RPL19: variants seen among roughly 807,000 people sequenced by gnomAD.
RPL19 encodes large ribosomal subunit protein eL19.
In RPL19, 2 loss-of-function variants were observed where a neutral mutation model predicts 25.1. The ratio of observed to expected loss-of-function variants is 0.08; its 90% confidence interval spans 0.03 to 0.25. The LOEUF (loss-of-function observed/expected upper bound fraction) is 0.25. RPL19 is among the 10% of genes least tolerant of loss of function. The pLI, the probability that RPL19 is intolerant of heterozygous loss-of-function variation, is 1.00. For synonymous variants in RPL19, 89 were observed against 91.2 expected (o/e 0.98, Z 0.14); for missense variants, 123 against 271.8 (o/e 0.45, Z 3.85).
rs746774826 is a variant in RPL19 at position 39,204,668 on chromosome 17, A to C, written c.*20A>C. ...AAATAAAACCTCCCACTTTGTCTGT[A>C]CATACTGGCCTCTGTGATTACATAG... is the stretch of plus-strand genomic sequence containing the variant. On this transcript the variant is annotated 3_prime_UTR_variant, in exon 6 of 6. Transcript: ENST00000225430. The C allele has an allele frequency of 1.9e-6, 3 of 1,611,854 alleles. No individual in the cohort carries two copies. The South Asian group carries it at 3.3e-5, about 18-fold the overall frequency.
chr17:39,202,371 C>T lies in RPL19; in HGVS notation c.167C>T (p.Thr56Met), dbSNP rs773799753. 10 of 1,614,196 alleles carry T rather than the reference C, an allele frequency of 6.2e-6. No individual in the cohort carries two copies. Among genetic ancestry groups the T allele is most frequent in the South Asian group, 3.3e-5 (3 of 91,086 alleles). ...GGGCTGATCATCCGCAAGCCTGTGA[C>T]GGTCCATTCCCGGGCTCGATGCCGG... The part of the protein sequence containing the change: ...KDGLIIRKPV[T>M]VHSRARCRKN... Residue 56 changes from threonine to methionine, a missense_variant, in exon 3 of 6, where the codon ACG becomes ATG. Transcript: ENST00000225430.
At position 39,201,261 on chromosome 17, in the gene RPL19, C is replaced by T; in HGVS notation, c.54C>T (p.Gly18=). Residue 18 remains glycine (G), a synonymous_variant, in exon 2 of 6, where the codon GGC becomes GGT. Coordinates refer to ENST00000225430, the MANE Select transcript of RPL19 (RefSeq NM_000981.4). ...KRLASSVLRC[G]KKKVWLDPNE... The stretch of plus-strand genomic sequence containing the variant: ...TCGCCTCTAGTGTCCTCCGCTGTGG[C>T]AAGAAGAAGGTCTGGTTAGACCCCA... 1 of 1,613,464 alleles carries T rather than the reference C, an allele frequency of 6.2e-7. No homozygotes were observed. The highest frequency in any genetic ancestry group is 8.5e-7 in the Non-Finnish European group (1 of 1,179,830).
rs571328669 is a variant in RPL19, at chr17:39,202,286, T to A, written c.113-31T>A. On this transcript the variant is annotated intron_variant, in intron 2 of 5. Coordinates refer to ENST00000225430, the MANE Select transcript of RPL19 (RefSeq NM_000981.4). ...ACTCTGTGATGTGCTTGGGCCCCAG[T>A]TGACTGACCAGGTGCATTATGCTTT... is the stretch of plus-strand genomic sequence containing the variant. The A allele has an allele frequency of 4.8e-5, 77 of 1,612,278 alleles. 1 individual carries two copies. In the South Asian group the frequency reaches 8.4e-4, roughly 17 times the overall value.
chr17:39,203,713 G>A (rs1175011295), intron 4 of RPL19, among the ~76,000 whole-genome samples: 4 of 151,310 alleles, frequency 2.6e-5, no homozygotes, highest in African/African-American at 7.3e-5. Flanking sequence ...TTCACCGTTG[G>A]CCAGGCTGGT....
intron 3 of RPL19, 66 bp downstream of exon 3, chr17:39,202,505 G>A (rs1228815190): frequency 2.5e-6 from 4 of 1,575,268 alleles, no homozygotes; most frequent in Admixed American, 3.4e-5. Context: ...ATATATTCAG[G>A]ATCTAAGCAC....
intron 1 of RPL19, 74 bp downstream of exon 1, chr17:39,200,423 G>A (rs1382682420): frequency 9.2e-6 from 13 of 1,418,934 alleles, no homozygotes; most frequent in Non-Finnish European, 1.1e-5. Flanking sequence ...ACCGCAGCTG[G>A]GGTTGGGGGA....
Position 39,200,319 on chromosome 17 carries a change from T to C in RPL19, c.-26T>C, listed in dbSNP as rs562868009. 4.1e-5 allele frequency: 64 copies of C among 1,549,630 alleles called. No individual in the cohort carries two copies. In the South Asian group the frequency reaches 6.7e-4, roughly 16 times the overall value. ...GAGGAGCCGGGCCCGAGCGAGCTCTTTCCTTTCGCTGCTGCGGCCGCAGCC... is the reference window on the plus strand; with the variant it reads ...GAGGAGCCGGGCCCGAGCGAGCTCTCTCCTTTCGCTGCTGCGGCCGCAGCC... On this transcript the variant is annotated 5_prime_UTR_variant, in exon 1 of 6. Coordinates refer to ENST00000225430, the MANE Select transcript of RPL19 (RefSeq NM_000981.4).
rs191296974 is a variant in RPL19, at chr17:39,200,456, A to G, written c.5+107A>G. ...GGAGATGAAATGGAGGCCGCCCTAA[A>G]GCGGCCGGTCCCGGGGTTTGGGGTA... On this transcript the variant is annotated intron_variant, in intron 1 of 5. Transcript: ENST00000225430. The G allele has an allele frequency of 4.7e-3, 5,628 of 1,192,952 alleles. 21 individuals are homozygous for G. Among genetic ancestry groups the G allele is most frequent in the Non-Finnish European group, 4.9e-3 (4,669 of 945,346 alleles). The allele number at this position is 1,192,952 out of a possible 1,614,324, so 73.9% of individuals were successfully genotyped here.
intron 1 of RPL19, 173 bp downstream of exon 1, chr17:39,200,522 G>T (rs370286974): frequency 2.3e-6 from 3 of 1,299,068 alleles, no homozygotes; most frequent in Admixed American, 3.8e-5. Context: ...AGTGAGGGGG[G>T]GCGGGGAGCG....
chr17:39,201,108 A>AT, intron 1 of RPL19, 105 bp from the exon 2 acceptor site: 1 of 763,844 alleles, frequency 1.3e-6, no homozygotes, highest in Non-Finnish European at 2.2e-6. Context: ...GAAGAGTCTT[A>AT]TTTCGCGGCT....
chr17:39,200,451 C>T (rs1259501609), intron 1 of RPL19, 102 bp downstream of exon 1: 5 of 1,344,548 alleles, frequency 3.7e-6, no homozygotes, highest in Non-Finnish European at 4.8e-6. Flanking sequence ...TGGAGGCCGC[C>T]CTAAAGCGGC....
intron 3 of RPL19, 38 bp from the exon 4 acceptor site, chr17:39,202,951 C>CT: frequency 6.2e-7 from 1 of 1,613,198 alleles, no homozygotes. Flanking sequence ...CACAGTGGGC[C>CT]TGGGTAGTGG....
chr17:39,200,562 C>T, intron 1 of RPL19: 1 of 1,295,532 alleles, frequency 7.7e-7, no homozygotes, highest in Non-Finnish European at 9.8e-7. Flanking sequence ...GAAAAGTCTG[C>T]CCCGGCTGGT....
At chr17:39,201,082 T>G in intron 1 of RPL19, 131 bp from the exon 2 acceptor site, 1 of 701,976 alleles carries the variant, frequency 1.4e-6, no homozygotes, top group Non-Finnish European at 2.5e-6. Context: ...GCCCAGAGCC[T>G]TAAAGATGAT....
At chr17:39,202,619 C>G in intron 3 of RPL19, 180 bp downstream of exon 3, 1 of 727,984 alleles carries the variant, frequency 1.4e-6, no homozygotes, top group Non-Finnish European at 2.2e-6. Flanking sequence ...GAGAGTATCC[C>G]TGGTAGGAGG....
intron 3 of RPL19, chr17:39,202,696 G>T: frequency 1.7e-6 from 1 of 597,538 alleles, no homozygotes; most frequent in Non-Finnish European, 2.9e-6. Context: ...CAGAATGATC[G>T]AAGGAAGCTC....
Position 39,202,420 on chromosome 17 carries a change from G to A in RPL19, c.216G>A (p.Lys72=), listed in dbSNP as rs536177013. Residue 72 remains lysine, a synonymous_variant, in exon 3 of 6, where the codon AAG becomes AAA. Transcript: ENST00000225430. ...RCRKNTLARR[K]GRHMGIGKRK... is the part of the protein sequence containing the mutation. ...GGAAAAACACCTTGGCCCGCCGGAAGGGCAGGCACATGGGCATAGGTAAGT... is the reference window on the plus strand; with the variant it reads ...GGAAAAACACCTTGGCCCGCCGGAAAGGCAGGCACATGGGCATAGGTAAGT... The A allele has an allele frequency of 6.2e-7, 1 of 1,614,212 alleles. No individual in the cohort carries two copies. The highest frequency in any genetic ancestry group is 1.1e-5 in the South Asian group (1 of 91,076).
intron 2 of RPL19, 93 bp from the exon 3 acceptor site, chr17:39,202,224 A>G (rs2046295368): frequency 2.0e-6 from 3 of 1,509,236 alleles, no homozygotes; most frequent in African/African-American, 1.4e-5. Flanking sequence ...CCGTGGGGCC[A>G]AGAATGTGAG....
rs554131193 is a variant in RPL19 at position 39,201,100 on chromosome 17, A to G, written c.6-113A>G. 9 of 734,236 alleles carry G rather than the reference A, an allele frequency of 1.2e-5. No individual in the cohort carries two copies. The African/African-American group carries it at 1.6e-4, about 13-fold the overall frequency. 45.5% of individuals were successfully genotyped at this position (734,236 alleles called of 1,614,324 possible). A position where few individuals can be genotyped will look rare whatever the true frequency, so the allele number is the denominator to read the frequency against. On this transcript the variant is annotated intron_variant, in intron 1 of 5. Coordinates refer to ENST00000225430, the MANE Select transcript of RPL19 (RefSeq NM_000981.4). ...CAGAGCCTTAAAGATGATTTAGGGAAGAGTCTTATTTCGCGGCTGTGGTGT... is the reference window on the plus strand; with the variant it reads ...CAGAGCCTTAAAGATGATTTAGGGAGGAGTCTTATTTCGCGGCTGTGGTGT...
Sources: allele counts gnomAD v4.1 joint callset (sites outside exome capture counted in the v4.1 genomes callset), GRCh38; gene constraint gnomAD v4.1.1; transcripts MANE v1.5; gene names NCBI Gene and HGNC (gene_info 2026-07-23, HGNC 2026-07-21).